The following ZNF385B variants were observed in gnomAD, a reference collection of about 807,000 sequenced individuals.
ZNF385B encodes zinc finger protein 385B, also known as zinc finger protein 533.
A neutral mutation model predicts 39.2 loss-of-function variants in ZNF385B; 23 were observed. The observed-to-expected ratio is 0.59, with a 90% CI of 0.42 to 0.83. The LOEUF is 0.83. Among genes scored for constraint, ZNF385B ranks in the 40% least tolerant of loss-of-function variants. The probability of loss-of-function intolerance (pLI) is 0.00; values close to 1 mark genes in which losing one functional copy is unlikely to be tolerated. For missense variants in ZNF385B, 552 were observed against 598.9 expected, an observed-to-expected ratio of 0.92 and a Z score of 0.82; for synonymous variants, 205 against 222.6, an observed-to-expected ratio of 0.92 and a Z score of 0.70.
intron 1 of ZNF385B, among the ~76,000 whole-genome samples, chr2:179,775,332 A>G (rs977432498): frequency 6.6e-6 from 1 of 152,254 alleles, no homozygotes; most frequent in African/African-American, 2.4e-5. Flanking sequence ...ACCTTAAAAA[A>G]TAAAAAGCTT....
At chr2:179,605,847 TCAAGGCAGTAGA>T (rs1441675216) in intron 3 of ZNF385B, among the ~76,000 whole-genome samples, 1 of 152,058 alleles carries the variant, frequency 6.6e-6, no homozygotes, top group Non-Finnish European at 1.5e-5. Flanking sequence ...GGGTCCCAAA[TCAAGGCAGTAGA>T]CACAATGAGA....
intron 3 of ZNF385B, among the ~76,000 whole-genome samples, chr2:179,561,661 G>A (rs976467815): frequency 1.4e-5 from 2 of 147,790 alleles, no homozygotes; most frequent in African/African-American, 2.5e-5. Flanking sequence ...GTAAATAAAA[G>A]GTGGGGGAAA....
chr2:179,463,323 G>A (rs553212257), intron 6 of ZNF385B, among the ~76,000 whole-genome samples: 130 of 148,480 alleles, frequency 8.8e-4, no homozygotes, highest in South Asian at 2.5e-3. Context: ...TGAGGAAAAG[G>A]TGTATGCTTC....
chr2:179,551,530 T>C (rs114811715), intron 3 of ZNF385B, among the ~76,000 whole-genome samples: 2,578 of 138,754 alleles, frequency 0.019, 36 homozygotes, highest in Non-Finnish European at 0.029. Flanking sequence ...ATTAACATAC[T>C]AAATCACACA....
intron 3 of ZNF385B, among the ~76,000 whole-genome samples, chr2:179,678,366 C>T (rs1291664211): frequency 2.6e-5 from 4 of 152,158 alleles, no homozygotes; most frequent in African/African-American, 9.6e-5. Context: ...TATTTCCCAG[C>T]CTCTCTTTCA....
At chr2:179,698,103 A>G (rs1389130685) in intron 3 of ZNF385B, among the ~76,000 whole-genome samples, 1 of 152,136 alleles carries the variant, frequency 6.6e-6, no homozygotes, top group East Asian at 1.9e-4. Flanking sequence ...TGACGAGTTA[A>G]TGGGTGCAGC....
At chr2:179,639,575 G>A (rs1009157327) in intron 3 of ZNF385B, among the ~76,000 whole-genome samples, 1 of 151,938 alleles carries the variant, frequency 6.6e-6, no homozygotes, top group African/African-American at 2.4e-5. Flanking sequence ...AGCTAAAAAA[G>A]TAATAGTAAA....
At chr2:179,787,795 C>T (rs1705092198) in intron 1 of ZNF385B, among the ~76,000 whole-genome samples, 1 of 152,176 alleles carries the variant, frequency 6.6e-6, no homozygotes. Context: ...TCAGTAACAT[C>T]TGTCCAGCTT....
At chr2:179,840,991 G>C (rs1708506810) in intron 1 of ZNF385B, among the ~76,000 whole-genome samples, 1 of 152,176 alleles carries the variant, frequency 6.6e-6, no homozygotes, top group South Asian at 2.1e-4. Context: ...TTCATAGAAA[G>C]CCTATTAACA....
At chr2:179,726,861 T>C (rs1701054290) in intron 3 of ZNF385B, among the ~76,000 whole-genome samples, 1 of 152,136 alleles carries the variant, frequency 6.6e-6, no homozygotes, top group Admixed American at 6.5e-5. Context: ...ATTTTTCTTA[T>C]TTGAAGCATG....
Position 179,493,734 on chromosome 2 carries a change from T to TATGTATACATATGTGTATATACATAC in ZNF385B, c.553-10301_553-10300insGTATGTATATACACATATGTATACAT, listed in dbSNP as rs1407913660. On this transcript the variant is annotated intron_variant, in intron 5 of 9. Transcript: ENST00000410066. Reference sequence around the variant, plus strand: ...ACATATGCATATACGTATATACATATATGTATACATATGTGTATATACATA... The same window carrying TATGTATACATATGTGTATATACATAC: ...ACATATGCATATACGTATATACATATATGTATACATATGTGTATATACATACATGTATACATATGTGTATATACATA... Among the ~76,000 whole-genome samples the TATGTATACATATGTGTATATACATAC allele has an allele frequency of 1.4e-3, 195 of 136,168 alleles. 1 individual carries two copies. Among genetic ancestry groups the TATGTATACATATGTGTATATACATAC allele is most frequent in the Middle Eastern group, 8.6e-3 (2 of 232 alleles). 89.3% of individuals were successfully genotyped at this position (136,168 alleles called of 152,430 possible). A position where few individuals can be genotyped will look rare whatever the true frequency, so the allele number is the denominator to read the frequency against.
intron 1 of ZNF385B, among the ~76,000 whole-genome samples, chr2:179,836,644 G>A (rs1334448574): frequency 2.0e-5 from 3 of 149,230 alleles, no homozygotes; most frequent in Admixed American, 6.8e-5. Context: ...TCAGCCTCCC[G>A]AGTAGCTGGG....
intron 3 of ZNF385B, among the ~76,000 whole-genome samples, chr2:179,667,724 GAA>G (rs1695357663): frequency 6.6e-6 from 1 of 151,780 alleles, no homozygotes; most frequent in Non-Finnish European, 1.5e-5. Context: ...AGTTTATAGG[GAA>G]GAAGGAAAGG....
At chr2:179,530,204 C>A (rs1030501073) in intron 4 of ZNF385B, among the ~76,000 whole-genome samples, 14 of 152,066 alleles carry the variant, frequency 9.2e-5, no homozygotes, top group African/African-American at 3.4e-4. Context: ...CCAAAATTGT[C>A]CTCAAATTAA....
At chr2:179,664,062 T>A (rs114016072) in intron 3 of ZNF385B, among the ~76,000 whole-genome samples, 43 of 100,354 alleles carry the variant, frequency 4.3e-4, no homozygotes, top group African/African-American at 2.1e-3. Context: ...TAAAAAATAT[T>A]TTTTTTTTTT....
intron 3 of ZNF385B, among the ~76,000 whole-genome samples, chr2:179,722,679 G>T (rs1288451231): frequency 1.3e-5 from 2 of 151,890 alleles, no homozygotes; most frequent in Non-Finnish European, 2.9e-5. Context: ...CTTCTTAAAT[G>T]GAGTATTAAA....
intron 3 of ZNF385B, among the ~76,000 whole-genome samples, chr2:179,647,473 C>T (rs548348748): frequency 1.0e-3 from 154 of 152,114 alleles, no homozygotes; most frequent in African/African-American, 2.9e-3. Context: ...CTGAGTCTGA[C>T]CAGGAGATCA....
intron 4 of ZNF385B, among the ~76,000 whole-genome samples, chr2:179,523,247 G>A (rs952373658): frequency 6.6e-6 from 1 of 151,370 alleles, no homozygotes; most frequent in Admixed American, 6.6e-5. Context: ...ACAAATTAAT[G>A]AAGCTGGCCT....
At chr2:179,610,249 G>T (rs1352074205) in intron 3 of ZNF385B, among the ~76,000 whole-genome samples, 1 of 152,096 alleles carries the variant, frequency 6.6e-6, no homozygotes, top group African/African-American at 2.4e-5. Flanking sequence ...AGAGATAGGG[G>T]TCTAGTTTCA....
Sources: allele counts gnomAD v4.1 joint callset (sites outside exome capture counted in the v4.1 genomes callset), GRCh38; gene constraint gnomAD v4.1.1; transcripts MANE v1.5; gene names NCBI Gene and HGNC (gene_info 2026-07-23, HGNC 2026-07-21).